TULP4: variants seen among roughly 807,000 people sequenced by gnomAD.
TULP4 encodes TUB like protein 4.
In TULP4, 16 loss-of-function variants were observed where a neutral mutation model predicts 129.0. That is an observed-to-expected ratio of 0.12 (90% confidence interval 0.08 to 0.19). The LOEUF (loss-of-function observed/expected upper bound fraction) is 0.19, where lower values mean the gene tolerates loss of function less well. Among genes scored for constraint, TULP4 ranks in the 10% least tolerant of loss-of-function variants. The pLI, the probability that TULP4 is intolerant of heterozygous loss-of-function variation, is 1.00. For missense variants in TULP4, 1,842 were observed against 2,059.1 expected (o/e 0.89, Z 2.04); for synonymous variants, 998 against 854.0 (o/e 1.17, Z -2.94).
At chr6:158,477,715 A>G (rs1403525182) in intron 6 of TULP4, among the ~76,000 whole-genome samples, 1 of 152,242 alleles carries the variant, frequency 6.6e-6, no homozygotes, top group Admixed American at 6.5e-5. Context: ...GCAATTCCTC[A>G]AAGAATTGAG....
intron 1 of TULP4, among the ~76,000 whole-genome samples, chr6:158,389,966 C>A (rs1777546108): frequency 6.6e-6 from 1 of 151,724 alleles, no homozygotes; most frequent in South Asian, 2.1e-4. Context: ...TAAAAGTTAG[C>A]CGGGTGTGGG....
chr6:158,435,745 G>A (rs1463024600), intron 3 of TULP4, among the ~76,000 whole-genome samples: 1 of 151,946 alleles, frequency 6.6e-6, no homozygotes, highest in Admixed American at 6.6e-5. Context: ...AGCAACTCCG[G>A]ATAGACGTAG....
intron 3 of TULP4, among the ~76,000 whole-genome samples, chr6:158,430,456 T>C (rs1203746212): frequency 1.3e-5 from 2 of 152,202 alleles, no homozygotes; most frequent in African/African-American, 2.4e-5. Context: ...ATAATTCATT[T>C]TGGAGGCCAG....
intron 1 of TULP4, among the ~76,000 whole-genome samples, chr6:158,303,369 G>C (rs975411180): frequency 6.6e-6 from 1 of 152,086 alleles, no homozygotes; most frequent in African/African-American, 2.4e-5. Context: ...GGACCGTGAT[G>C]CCCGCCTGAG....
chr6:158,320,580 C>T (rs1007693921), intron 1 of TULP4, among the ~76,000 whole-genome samples: 5 of 151,850 alleles, frequency 3.3e-5, no homozygotes, highest in East Asian at 1.9e-4. Flanking sequence ...TACAGGTGCC[C>T]GCCACCACAC....
chr6:158,346,885 G>A (rs1780326392), intron 1 of TULP4, among the ~76,000 whole-genome samples: 1 of 151,992 alleles, frequency 6.6e-6, no homozygotes, highest in African/African-American at 2.4e-5. Flanking sequence ...GTTAATATGT[G>A]TGTGCATCTT....
At chr6:158,478,367 A>C (rs1304441344) in intron 6 of TULP4, among the ~76,000 whole-genome samples, 1 of 152,246 alleles carries the variant, frequency 6.6e-6, no homozygotes, top group Non-Finnish European at 1.5e-5. Flanking sequence ...TGATTTTGTT[A>C]CTAATAGAGC....
chr6:158,363,062 CAA>C (rs11373437), intron 1 of TULP4, among the ~76,000 whole-genome samples: 5 of 88,000 alleles, frequency 5.7e-5, no homozygotes, highest in Admixed American at 1.4e-4. Flanking sequence ...GACTCCATCT[CAA>C]AAAAAAAAAA....
chr6:158,274,495 G>A (rs187043091), intron 1 of TULP4, among the ~76,000 whole-genome samples: 104 of 150,988 alleles, frequency 6.9e-4, no homozygotes, highest in Non-Finnish European at 1.3e-3. Flanking sequence ...TTCCAGTGGC[G>A]GCCGGGCGCA....
intron 1 of TULP4, among the ~76,000 whole-genome samples, chr6:158,301,777 G>A (rs1779135159): frequency 6.6e-6 from 1 of 152,190 alleles, no homozygotes; most frequent in Non-Finnish European, 1.5e-5. Context: ...TCCAGTTCTA[G>A]TGAAGCCTCA....
intron 1 of TULP4, among the ~76,000 whole-genome samples, chr6:158,396,865 G>A (rs111533746): frequency 2.0e-5 from 3 of 152,190 alleles, no homozygotes; most frequent in Non-Finnish European, 4.4e-5. Flanking sequence ...TCGGAATCCC[G>A]AGAAATCGGT....
chr6:158,321,866 C>A (rs540043799), intron 1 of TULP4, among the ~76,000 whole-genome samples: 1 of 152,272 alleles, frequency 6.6e-6, no homozygotes, highest in East Asian at 1.9e-4. Flanking sequence ...AAGTACTTTT[C>A]TTTTTCCTAA....
Position 158,506,535 on chromosome 6 carries a change from C to CA in TULP4, c.4516-42dup, listed in dbSNP as rs777535786. 9.3e-6 allele frequency: 13 copies of CA among 1,390,606 alleles called. No individual in the cohort carries two copies. In the African/African-American group the frequency reaches 1.8e-4, roughly 20 times the overall value. 86.1% of individuals were successfully genotyped at this position (1,390,606 alleles called of 1,614,324 possible). ...CGTGAGCCACTGCGCCTGGCCTTTT[C>CA]ACCTTATTCTTTAATGTCTTTGCTT... On this transcript the variant is annotated intron_variant, in intron 13 of 13. Coordinates refer to ENST00000367097, the MANE Select transcript of TULP4 (RefSeq NM_020245.5).
chr6:158,494,550 C>T (rs1469991054), intron 10 of TULP4, among the ~76,000 whole-genome samples: 2 of 152,124 alleles, frequency 1.3e-5, no homozygotes, highest in Non-Finnish European at 2.9e-5. Context: ...TCCCCCAGCT[C>T]GATGCGCCCC....
intron 5 of TULP4, among the ~76,000 whole-genome samples, chr6:158,460,900 C>T: frequency 6.7e-6 from 1 of 149,474 alleles, no homozygotes. Flanking sequence ...GTTTTATTGT[C>T]TTGCTGTCTC....
intron 2 of TULP4, among the ~76,000 whole-genome samples, chr6:158,416,501 G>A (rs545412380): frequency 6.6e-6 from 1 of 152,148 alleles, no homozygotes; most frequent in South Asian, 2.1e-4. Context: ...AGGATATAAA[G>A]AAAAACATAA....
intron 1 of TULP4, among the ~76,000 whole-genome samples, chr6:158,276,309 T>TC (rs1347502970): frequency 2.0e-4 from 30 of 148,964 alleles, no homozygotes; most frequent in Middle Eastern, 3.4e-3. Context: ...CTTCTTTCTT[T>TC]TTTTTTTTTT....
chr6:158,371,909 G>A (rs1471362377), intron 1 of TULP4, among the ~76,000 whole-genome samples: 1 of 152,138 alleles, frequency 6.6e-6, no homozygotes, highest in Non-Finnish European at 1.5e-5. Flanking sequence ...CAACCTCCAG[G>A]GTTCAGGTGA....
At chr6:158,308,986 A>C (rs1340704326), upstream of TULP4, among the ~76,000 whole-genome samples, 4 of 111,384 alleles carry the variant, frequency 3.6e-5, no homozygotes, top group Admixed American at 1.8e-4. Flanking sequence ...CAGGGGGCTG[A>C]CCCCCCCACC....
Sources: gnomAD v4.1 joint callset for allele counts (sites outside exome capture counted in the v4.1 genomes callset) on GRCh38, gnomAD v4.1.1 for gene constraint, MANE v1.5 for transcripts, NCBI Gene and HGNC (gene_info 2026-07-23, HGNC 2026-07-21) for gene names.